Variants in FBXL3 observed in about 807,000 individuals in gnomAD.
FBXL3 encodes F-box/LRR-repeat protein 3.
Under a neutral mutation model 37.9 loss-of-function variants are expected in FBXL3, and 14 were observed. The ratio of observed to expected loss-of-function variants is 0.37; its 90% CI spans 0.24 to 0.58. The LOEUF is 0.58. FBXL3 is among the 20% of genes least tolerant of loss of function. FBXL3 has a pLI of 0.74. For missense variants in FBXL3, 327 were observed against 511.1 expected (o/e 0.64, Z 3.47); for synonymous variants, 194 against 180.1 (o/e 1.08, Z -0.62).
At chr13:77,026,429 AC>A in intron 1 of FBXL3, 1 of 949,564 alleles carries the variant, frequency 1.1e-6, no homozygotes, top group Non-Finnish European at 1.3e-6. Flanking sequence ...TGCTCAAGCT[AC>A]CAGCACGGGC....
rs1022891216 is a variant in FBXL3 at position 77,006,342 on chromosome 13, T to G, written c.*803A>C. 3 of 152,156 alleles carry G rather than the reference T, an allele frequency of 2.0e-5. No individual in the cohort carries two copies. The highest frequency in any genetic ancestry group is 4.4e-5 in the Non-Finnish European group (3 of 67,972). 9.4% of individuals were successfully genotyped at this position (152,156 alleles called of 1,614,324 possible). A position where few individuals can be genotyped will look rare whatever the true frequency, so the allele number is the denominator to read the frequency against. ...ATTGTTTAATACTTTAAAGCTAGTT[T>G]AAACAAAGATAAAACCAAGGAGAAC... On this transcript the variant is annotated 3_prime_UTR_variant, in exon 5 of 5. Coordinates refer to ENST00000355619, the MANE Select transcript of FBXL3 (RefSeq NM_012158.4).
intron 4 of FBXL3, among the ~76,000 whole-genome samples, chr13:77,011,649 G>T (rs2034555037): frequency 6.6e-6 from 1 of 151,306 alleles, no homozygotes; most frequent in African/African-American, 2.4e-5. Context: ...TTTAAGCCCA[G>T]GAGGTCCAGA....
At chr13:77,021,448 A>C in intron 2 of FBXL3, 65 bp downstream of exon 2, 1 of 1,221,466 alleles carries the variant, frequency 8.2e-7, no homozygotes, top group South Asian at 1.5e-5. Context: ...GAGAAGATGT[A>C]CTGGTTTAGG....
intron 4 of FBXL3, among the ~76,000 whole-genome samples, chr13:77,008,113 T>C (rs2034485434): frequency 6.6e-6 from 1 of 152,214 alleles, no homozygotes; most frequent in African/African-American, 2.4e-5. Context: ...TTTTAAAAAG[T>C]TATTACTAAC....
chr13:77,011,226 G>A (rs909882234), intron 4 of FBXL3, among the ~76,000 whole-genome samples: 1 of 151,660 alleles, frequency 6.6e-6, no homozygotes, highest in Non-Finnish European at 1.5e-5. Context: ...TGTAATCCCA[G>A]CTACTCAGGA....
intron 1 of FBXL3, among the ~76,000 whole-genome samples, chr13:77,025,174 A>C (rs1221350159): frequency 2.0e-5 from 3 of 152,242 alleles, no homozygotes; most frequent in Non-Finnish European, 4.4e-5. Context: ...AGAAGTGTGG[A>C]GAACCAAGCT....
At chr13:77,026,130 G>T (rs1237350193) in intron 1 of FBXL3, 8 of 971,138 alleles carry the variant, frequency 8.2e-6, no homozygotes, top group Non-Finnish European at 9.8e-6. Flanking sequence ...CACTCAACTG[G>T]ATATCATTAG....
At position 77,007,454 on chromosome 13, in the gene FBXL3, A is replaced by G. The variant is rs369720203; in HGVS notation, c.978T>C (p.Arg326=). The G allele has an allele frequency of 2.5e-6, 4 of 1,614,198 alleles. No homozygotes were observed. Among genetic ancestry groups the G allele is most frequent in the African/African-American group, 1.3e-5 (1 of 75,070 alleles). The change falls in exon 5 of 5, where the codon CGT becomes CGC. Residue 326 remains arginine (R), a synonymous_variant. Coordinates refer to ENST00000355619, the MANE Select transcript of FBXL3 (RefSeq NM_012158.4). The stretch of plus-strand genomic sequence containing the variant: ...CCAGTCTAGGGCATGTCATTCCCAC[A>G]CGGCCAAGCACATCTTTGCTTACTG... ...GRSVSKDVLG[R]VGMTCPRLVE...
At chr13:77,025,764 G>C (rs2034827500) in intron 1 of FBXL3, among the ~76,000 whole-genome samples, 1 of 150,454 alleles carries the variant, frequency 6.6e-6, no homozygotes, top group African/African-American at 2.4e-5. Context: ...ACAGCTAGCC[G>C]TGTGCATCGT....
intron 4 of FBXL3, chr13:77,015,172 T>C (rs2034622072): frequency 3.4e-6 from 1 of 297,838 alleles, no homozygotes; most frequent in African/African-American, 2.2e-5. Context: ...TTCCTGTTCA[T>C]TTTCTAGCAT....
chr13:77,026,728 C>A (rs1356025858), intron 1 of FBXL3, 99 bp downstream of exon 1: 2 of 128,502 alleles, frequency 1.6e-5, no homozygotes, highest in Admixed American at 8.7e-5. Context: ...CCCGCGCCCC[C>A]CCCCACCCCA....
chr13:77,021,478 AC>A, intron 2 of FBXL3, 34 bp downstream of exon 2: 1 of 1,504,792 alleles, frequency 6.6e-7, no homozygotes, highest in Non-Finnish European at 9.1e-7. Flanking sequence ...CACTAAAAAT[AC>A]TTTATTTTTT....
intron 1 of FBXL3, among the ~76,000 whole-genome samples, chr13:77,024,157 T>C (rs2034797745): frequency 6.6e-6 from 1 of 152,212 alleles, no homozygotes; most frequent in Non-Finnish European, 1.5e-5. Context: ...GTGTATAGTC[T>C]ACACTGTAAT....
intron 2 of FBXL3, 34 bp downstream of exon 2, chr13:77,021,479 C>CT (rs750376174): frequency 6.7e-7 from 1 of 1,503,710 alleles, no homozygotes; most frequent in Non-Finnish European, 9.1e-7. Context: ...ACTAAAAATA[C>CT]TTTATTTTTT....
chr13:77,006,630 C>T lies in FBXL3; in HGVS notation c.*515G>A, dbSNP rs563349886. The stretch of plus-strand genomic sequence containing the variant: ...TATATATACCTTTTTCTTTAAACAG[C>T]TTTGTAACATTTGAGAACATTCATC... On this transcript the variant is annotated 3_prime_UTR_variant, in exon 5 of 5. Coordinates refer to ENST00000355619, the MANE Select transcript of FBXL3 (RefSeq NM_012158.4). The T allele has an allele frequency of 9.8e-6, 2 of 205,066 alleles. No individual in the cohort carries two copies. Among genetic ancestry groups the T allele is most frequent in the African/African-American group, 4.7e-5 (2 of 42,362 alleles). 12.7% of individuals were successfully genotyped at this position (205,066 alleles called of 1,614,324 possible).
intron 4 of FBXL3, among the ~76,000 whole-genome samples, chr13:77,012,278 T>C (rs1787810155): frequency 6.6e-6 from 1 of 151,112 alleles, no homozygotes; most frequent in African/African-American, 2.4e-5. Context: ...AAATTGGTGA[T>C]TAGTGGTGGT....
At chr13:77,011,261 AC>A (rs2034545705) in intron 4 of FBXL3, among the ~76,000 whole-genome samples, 1 of 148,592 alleles carries the variant, frequency 6.7e-6, no homozygotes, top group Admixed American at 6.7e-5. Flanking sequence ...AATCACCTGA[AC>A]CCGGGAGGCG....
intron 1 of FBXL3, chr13:77,026,442 T>C (rs9573985): frequency 0.017 from 15,523 of 901,120 alleles, 220 homozygotes; most frequent in Admixed American, 0.086. Flanking sequence ...AGCACGGGCG[T>C]AGCCGACGCC....
Position 77,021,530 on chromosome 13 carries a change from G to T in FBXL3, c.331C>A (p.Gln111Lys). The T allele has an allele frequency of 6.2e-7, 1 of 1,611,408 alleles. No individual in the cohort carries two copies. Among genetic ancestry groups the T allele is most frequent in the East Asian group, 2.2e-5 (1 of 44,840 alleles). ...QIIKRHSNHLQYVSFKVDSSK... is the reference protein window; with the variant it reads ...QIIKRHSNHLKYVSFKVDSSK... ...AATATTACCTTGAAGCTGACATATTGTAGATGGTTTGAATGTCTTTTAATA... is the reference window on the plus strand; with the variant it reads ...AATATTACCTTGAAGCTGACATATTTTAGATGGTTTGAATGTCTTTTAATA... The change falls in exon 2 of 5, where the codon CAA (glutamine) becomes AAA (lysine). Residue 111 changes from glutamine to lysine, a missense_variant. Gln to Lys is a moderately conservative substitution (Grantham distance 53). Transcript: ENST00000355619.
Sources: gnomAD v4.1 joint callset for allele counts (sites outside exome capture counted in the v4.1 genomes callset) on GRCh38, gnomAD v4.1.1 for gene constraint, MANE v1.5 for transcripts, NCBI Gene and HGNC (gene_info 2026-07-23, HGNC 2026-07-21) for gene names.